Variants in ZNF804B observed in about 807,000 individuals in gnomAD.
ZNF804B encodes zinc finger 804B.
ZNF804B carries 80 observed loss-of-function variants against 101.4 expected under a neutral mutation model. That is an observed-to-expected ratio of 0.79 (90% CI 0.66 to 0.95). The LOEUF (loss-of-function observed/expected upper bound fraction) is 0.95, where lower values mean the gene tolerates loss of function less well. Among genes scored for constraint, ZNF804B ranks in the 40% least tolerant of loss-of-function variants. The probability of loss-of-function intolerance (pLI) is 0.00; values close to 1 mark genes in which losing one functional copy is unlikely to be tolerated. For missense variants in ZNF804B, 1,673 were observed against 1,561.9 expected (o/e 1.07, Z -1.20); for synonymous variants, 622 against 558.8 (o/e 1.11, Z -1.59).
intron 1 of ZNF804B, among the ~76,000 whole-genome samples, chr7:89,113,460 C>T (rs1386003305): frequency 6.6e-6 from 1 of 151,992 alleles, no homozygotes; most frequent in African/African-American, 2.4e-5. Context: ...GTATGAATAA[C>T]TCTTATAAAA....
chr7:89,265,710 CAT>C (rs1428787631), intron 2 of ZNF804B, among the ~76,000 whole-genome samples: 2 of 152,142 alleles, frequency 1.3e-5, no homozygotes, highest in African/African-American at 2.4e-5. Flanking sequence ...AAAATAGAAA[CAT>C]GTTGTGAAAA....
chr7:88,822,252 A>G (rs1444485855), intron 1 of ZNF804B, among the ~76,000 whole-genome samples: 1 of 152,172 alleles, frequency 6.6e-6, no homozygotes, highest in Admixed American at 6.6e-5. Context: ...TTAAGTGAGA[A>G]CCAAAGCCAG....
chr7:88,764,168 C>A (rs72612702), intron 1 of ZNF804B, among the ~76,000 whole-genome samples: 1 of 151,922 alleles, frequency 6.6e-6, no homozygotes, highest in African/African-American at 2.4e-5. Context: ...AATGTAGTGC[C>A]GTTAATAGTG....
chr7:89,164,479 G>A (rs1791112701), intron 1 of ZNF804B, among the ~76,000 whole-genome samples: 1 of 152,124 alleles, frequency 6.6e-6, no homozygotes, highest in African/African-American at 2.4e-5. Context: ...GCCATAGAAT[G>A]AATGGTCAGC....
intron 1 of ZNF804B, among the ~76,000 whole-genome samples, chr7:88,971,614 A>G (rs1244901900): frequency 6.6e-6 from 1 of 151,666 alleles, no homozygotes; most frequent in South Asian, 2.1e-4. Flanking sequence ...AGATATGGAG[A>G]TAAATTTCAT....
At chr7:89,274,260 C>G (rs1320745039) in intron 2 of ZNF804B, among the ~76,000 whole-genome samples, 4 of 144,870 alleles carry the variant, frequency 2.8e-5, no homozygotes, top group African/African-American at 1.0e-4. Flanking sequence ...GCTGCACCCA[C>G]TAACTCGTCA....
At chr7:89,091,524 A>C (rs2116326073) in intron 1 of ZNF804B, among the ~76,000 whole-genome samples, 1 of 152,324 alleles carries the variant, frequency 6.6e-6, no homozygotes, top group South Asian at 2.1e-4. Context: ...CAGGAAAGCT[A>C]AAAGTGTGTG....
At chr7:88,949,814 T>C (rs111606953) in intron 1 of ZNF804B, among the ~76,000 whole-genome samples, 11 of 152,070 alleles carry the variant, frequency 7.2e-5, no homozygotes, top group African/African-American at 2.6e-4. Context: ...TTTACCATTA[T>C]GCTACAATTG....
intron 1 of ZNF804B, among the ~76,000 whole-genome samples, chr7:88,822,082 T>G (rs1029699708): frequency 3.9e-5 from 6 of 152,192 alleles, no homozygotes; most frequent in African/African-American, 1.4e-4. Context: ...TTTAGAAAGA[T>G]TGTGGGACTG....
chr7:89,171,344 TTCTTCTTCTTCTTCC>T (rs1562904530), intron 1 of ZNF804B, among the ~76,000 whole-genome samples: 253 of 119,292 alleles, frequency 2.1e-3, no homozygotes, highest in South Asian at 4.1e-3. Flanking sequence ...CTTCTTCTTC[TTCTTCTTCTTCTTCC>T]TCCTCTTCCT....
chr7:89,331,404 T>C (rs1212994753), intron 3 of ZNF804B, among the ~76,000 whole-genome samples: 1 of 151,744 alleles, frequency 6.6e-6, no homozygotes, highest in Non-Finnish European at 1.5e-5. Context: ...CTTAGAATGC[T>C]CCTCACTATT....
At chr7:89,026,286 C>T (rs186805417) in intron 1 of ZNF804B, among the ~76,000 whole-genome samples, 4 of 152,150 alleles carry the variant, frequency 2.6e-5, no homozygotes, top group East Asian at 1.9e-4. Context: ...GAGAATGGAA[C>T]GGGGTTGCCC....
intron 1 of ZNF804B, among the ~76,000 whole-genome samples, chr7:89,037,500 A>G (rs1788945382): frequency 2.0e-5 from 3 of 151,696 alleles, no homozygotes; most frequent in East Asian, 1.9e-4. Context: ...ATTTTTACCT[A>G]GCCTTATTGA....
chr7:88,834,624 A>G (rs1791182665), intron 1 of ZNF804B, among the ~76,000 whole-genome samples: 1 of 150,704 alleles, frequency 6.6e-6, no homozygotes. Flanking sequence ...ATATTTGTCA[A>G]AATTTATTGA....
At chr7:88,868,045 G>A (rs1791760117) in intron 1 of ZNF804B, among the ~76,000 whole-genome samples, 1 of 124,902 alleles carries the variant, frequency 8.0e-6, no homozygotes, top group African/African-American at 3.3e-5. Flanking sequence ...GTGTGTGTGT[G>A]TGAGTGTGTG....
chr7:89,293,567 G>A (rs1391533378), intron 2 of ZNF804B, among the ~76,000 whole-genome samples: 2 of 151,962 alleles, frequency 1.3e-5, no homozygotes, highest in African/African-American at 4.8e-5. Context: ...GGCAGATCAC[G>A]AGGTCAGGAG....
chr7:89,108,379 T>A (rs181598087), intron 1 of ZNF804B, among the ~76,000 whole-genome samples: 25 of 152,262 alleles, frequency 1.6e-4, no homozygotes, highest in East Asian at 3.9e-4. Context: ...AGTCACTGGC[T>A]TCTAATGAAA....
At chr7:89,252,167 G>A (rs1234122859) in intron 2 of ZNF804B, among the ~76,000 whole-genome samples, 1 of 152,004 alleles carries the variant, frequency 6.6e-6, no homozygotes, top group African/African-American at 2.4e-5. Flanking sequence ...TCCAACAAAG[G>A]TCTAATGTCG....
intron 1 of ZNF804B, among the ~76,000 whole-genome samples, chr7:89,080,950 T>G (rs1789688274): frequency 6.6e-6 from 1 of 151,972 alleles, no homozygotes; most frequent in Admixed American, 6.6e-5. Context: ...GATAATTTTC[T>G]CCACACTGAA....
Sources: allele counts gnomAD v4.1 joint callset (sites outside exome capture counted in the v4.1 genomes callset), GRCh38; gene constraint gnomAD v4.1.1; transcripts MANE v1.5; gene names NCBI Gene and HGNC (gene_info 2026-07-23, HGNC 2026-07-21).